Variants in FHIT observed in about 807,000 individuals in gnomAD.
FHIT encodes the protein bis(5'-adenosyl)-triphosphatase.
FHIT carries 19 observed loss-of-function variants against 17.9 expected under a neutral mutation model. The ratio of observed to expected loss-of-function variants is 1.06; its 90% CI spans 0.74 to 1.56. The LOEUF is 1.56. Ranked by LOEUF, FHIT falls within the 40% of genes most tolerant of loss-of-function variation. The probability of loss-of-function intolerance (pLI) is 0.00; values close to 1 mark genes in which losing one functional copy is unlikely to be tolerated. For missense variants in FHIT, 248 were observed against 189.2 expected (o/e 1.31, Z -1.82); for synonymous variants, 81 against 69.7 (o/e 1.16, Z -0.81).
intron 5 of FHIT, among the ~76,000 whole-genome samples, chr3:60,163,396 G>A (rs1386855543): frequency 6.6e-6 from 1 of 151,972 alleles, no homozygotes. Flanking sequence ...GACCCCCTGG[G>A]ACATATAAGG....
At chr3:61,099,031 T>C (rs902274219) in intron 2 of FHIT, among the ~76,000 whole-genome samples, 1 of 152,192 alleles carries the variant, frequency 6.6e-6, no homozygotes, top group Non-Finnish European at 1.5e-5. Context: ...GCTTTGCCCA[T>C]TTAGTATGAT....
intron 4 of FHIT, among the ~76,000 whole-genome samples, chr3:60,738,116 G>A (rs1272767626): frequency 1.3e-5 from 2 of 152,174 alleles, no homozygotes; most frequent in African/African-American, 4.8e-5. Flanking sequence ...CCGACCGGGA[G>A]AGGAAAGGGA....
chr3:60,405,088 G>A (rs900353129), intron 5 of FHIT, among the ~76,000 whole-genome samples: 9 of 152,170 alleles, frequency 5.9e-5, no homozygotes, highest in Admixed American at 6.5e-5. Flanking sequence ...AGGAAGATGG[G>A]ATAGGGGTAG....
chr3:60,690,608 C>G, intron 4 of FHIT: 2 of 531,122 alleles, frequency 3.8e-6, no homozygotes, highest in Middle Eastern at 3.2e-4. Context: ...GTGCTCAGAG[C>G]ATGAAAATTT....
intron 5 of FHIT, among the ~76,000 whole-genome samples, chr3:60,080,315 T>A (rs1703221701): frequency 6.6e-6 from 1 of 152,094 alleles, no homozygotes; most frequent in African/African-American, 2.4e-5. Flanking sequence ...GAACCTCTGC[T>A]AGGATAGGAG....
intron 7 of FHIT, among the ~76,000 whole-genome samples, chr3:59,934,272 A>T (rs1315480366): frequency 2.0e-5 from 3 of 152,108 alleles, no homozygotes; most frequent in Non-Finnish European, 4.4e-5. Context: ...AGGAACGTGG[A>T]ATGAGGAGGT....
intron 5 of FHIT, among the ~76,000 whole-genome samples, chr3:60,106,023 G>A (rs1308226537): frequency 6.6e-6 from 1 of 152,194 alleles, no homozygotes; most frequent in Non-Finnish European, 1.5e-5. Flanking sequence ...GCAGTTCTGA[G>A]TAGTGTGATG....
chr3:59,788,458 C>T (rs1438289447), intron 8 of FHIT, among the ~76,000 whole-genome samples: 1 of 152,208 alleles, frequency 6.6e-6, no homozygotes, highest in Non-Finnish European at 1.5e-5. Context: ...GCCACCCTTG[C>T]ACCAGTGCAC....
At chr3:61,214,334 A>C (rs190812939) in intron 1 of FHIT, among the ~76,000 whole-genome samples, 90 of 152,288 alleles carry the variant, frequency 5.9e-4, no homozygotes, top group African/African-American at 1.9e-3. Context: ...TATCACCACC[A>C]ATCCCATAGA....
At chr3:60,709,138 C>T (rs1424937680) in intron 4 of FHIT, among the ~76,000 whole-genome samples, 6 of 152,082 alleles carry the variant, frequency 3.9e-5, no homozygotes, top group Non-Finnish European at 8.8e-5. Flanking sequence ...TGGATATTTA[C>T]CATGTTAGAA....
At chr3:60,709,070 C>T (rs1487718350) in intron 4 of FHIT, among the ~76,000 whole-genome samples, 5 of 152,126 alleles carry the variant, frequency 3.3e-5, no homozygotes, top group Admixed American at 3.3e-4. Context: ...GGATCCATTT[C>T]CACTCCTAAA....
intron 3 of FHIT, among the ~76,000 whole-genome samples, chr3:60,949,568 G>A (rs375230805): frequency 1.5e-4 from 23 of 152,084 alleles, no homozygotes; most frequent in Non-Finnish European, 2.6e-4. Context: ...ATCAGAAAGC[G>A]GGTCACTTCC....
intron 5 of FHIT, among the ~76,000 whole-genome samples, chr3:60,458,379 T>A (rs1422734476): frequency 2.8e-5 from 4 of 143,688 alleles, no homozygotes; most frequent in Non-Finnish European, 4.5e-5. Flanking sequence ...GGAATTGAAC[T>A]ATGAGAACAC....
intron 3 of FHIT, among the ~76,000 whole-genome samples, chr3:61,020,075 G>C (rs1165669950): frequency 1.3e-5 from 2 of 152,070 alleles, no homozygotes; most frequent in Non-Finnish European, 2.9e-5. Flanking sequence ...GCTGGGTCAA[G>C]TGGTATTTCT....
At position 60,487,759 on chromosome 3, in the gene FHIT, C is replaced by A. The variant is rs147405069; in HGVS notation, c.103+49101G>T. ...AAAATAGTAAGTCCTGAGTTTAGCT[C>A]ATTCCTTGACAAGTCAGAGATGATG... On this transcript the variant is annotated intron_variant, in intron 5 of 9. Coordinates refer to ENST00000492590, the MANE Select transcript of FHIT (RefSeq NM_002012.4). Among the ~76,000 whole-genome samples, 703 of 152,242 alleles carry A rather than the reference C, an allele frequency of 4.6e-3. 2 individuals carry two copies. The highest frequency in any genetic ancestry group is 6.4e-3 in the Non-Finnish European group (436 of 68,010).
chr3:60,210,587 G>A (rs1023106369), intron 5 of FHIT, among the ~76,000 whole-genome samples: 13 of 152,044 alleles, frequency 8.6e-5, no homozygotes, highest in Non-Finnish European at 1.8e-4. Flanking sequence ...AAAAATGAGT[G>A]AGAAATATGA....
At chr3:60,171,843 T>A (rs1701428848) in intron 5 of FHIT, among the ~76,000 whole-genome samples, 1 of 149,838 alleles carries the variant, frequency 6.7e-6, no homozygotes, top group African/African-American at 2.5e-5. Context: ...ATAGTTAGGA[T>A]TATAACCATG....
intron 4 of FHIT, among the ~76,000 whole-genome samples, chr3:60,619,598 TGCAAA>T (rs1371467241): frequency 2.6e-4 from 12 of 45,736 alleles, no homozygotes; most frequent in African/African-American, 1.4e-3. Flanking sequence ...GATACCCACA[TGCAAA>T]AAAAAAAAAA....
intron 5 of FHIT, among the ~76,000 whole-genome samples, chr3:60,208,232 G>A (rs569717868): frequency 6.6e-6 from 1 of 152,242 alleles, no homozygotes; most frequent in East Asian, 1.9e-4. Context: ...ACTGCCACAG[G>A]CAACACTTTA....
Sources: gnomAD v4.1 joint callset for allele counts (sites outside exome capture counted in the v4.1 genomes callset) on GRCh38, gnomAD v4.1.1 for gene constraint, MANE v1.5 for transcripts, NCBI Gene and HGNC (gene_info 2026-07-23, HGNC 2026-07-21) for gene names.